DNAH11: variants seen among roughly 807,000 people sequenced by gnomAD.
DNAH11 encodes axonemal beta dynein heavy chain 11.
Under a neutral mutation model 526.0 loss-of-function variants are expected in DNAH11, and 442 were observed. The ratio of observed to expected loss-of-function variants is 0.84; its 90% CI spans 0.78 to 0.91. DNAH11 has a LOEUF of 0.91. Among genes scored for constraint, DNAH11 ranks in the 40% least tolerant of loss-of-function variants. The probability of loss-of-function intolerance (pLI) is 0.00; values close to 1 mark genes in which losing one functional copy is unlikely to be tolerated. For synonymous variants in DNAH11, 2,461 were observed against 1,935.9 expected (o/e 1.27, Z -7.12); for missense variants, 6,989 against 5,448.7 (o/e 1.28, Z -8.90).
intron 69 of DNAH11, among the ~76,000 whole-genome samples, chr7:21,862,811 C>T (rs1171779595): frequency 6.6e-6 from 1 of 152,056 alleles, no homozygotes. Context: ...GGCACGGTGG[C>T]TCACGCCTGT....
intron 2 of DNAH11, 122 bp downstream of exon 2, chr7:21,545,271 G>A (rs1475177779): frequency 7.1e-6 from 1 of 141,048 alleles, no homozygotes; most frequent in Non-Finnish European, 1.0e-5. Context: ...GGATGGGGGT[G>A]GTTAAAAAAA....
chr7:21,648,180 A>T (rs770369815), intron 28 of DNAH11, among the ~76,000 whole-genome samples: 1 of 152,228 alleles, frequency 6.6e-6, no homozygotes, highest in Non-Finnish European at 1.5e-5. Flanking sequence ...AGAAAGCAGT[A>T]GGTATTGTCT....
chr7:21,668,855 G>A (rs1227243874), intron 30 of DNAH11, among the ~76,000 whole-genome samples: 2 of 152,096 alleles, frequency 1.3e-5, no homozygotes, highest in Admixed American at 1.3e-4. Flanking sequence ...AAGCCTAAAA[G>A]TGAAATTGCT....
intron 42 of DNAH11, among the ~76,000 whole-genome samples, chr7:21,715,858 C>G (rs1360207170): frequency 8.6e-6 from 1 of 116,646 alleles, no homozygotes; most frequent in Non-Finnish European, 1.7e-5. Flanking sequence ...ATCTGATTTC[C>G]CCCTCCCACC....
rs1200045011 is a variant in DNAH11 at position 21,645,110 on chromosome 7, A to G, written c.4944+6045A>G. ...TATTATAATGTGAGATTAAAGTAAAATATCACTTCAATGTTATGAGTTCCA... is the reference window on the plus strand; with the variant it reads ...TATTATAATGTGAGATTAAAGTAAAGTATCACTTCAATGTTATGAGTTCCA... On this transcript the variant is annotated intron_variant, in intron 28 of 81. Coordinates refer to ENST00000409508, the MANE Select transcript of DNAH11 (RefSeq NM_001277115.2). 3.3e-5 allele frequency among the ~76,000 whole-genome samples: 5 copies of G among 152,340 alleles called. No individual in the cohort carries two copies. In the East Asian group the frequency reaches 9.6e-4, roughly 29 times the overall value.
intron 65 of DNAH11, among the ~76,000 whole-genome samples, chr7:21,837,160 T>G (rs1276007175): frequency 6.6e-6 from 1 of 152,142 alleles, no homozygotes; most frequent in East Asian, 1.9e-4. Context: ...TAAATCGGTA[T>G]AGCCATTATG....
At chr7:21,694,458 T>C (rs1320782962) in intron 35 of DNAH11, among the ~76,000 whole-genome samples, 3 of 152,162 alleles carry the variant, frequency 2.0e-5, no homozygotes, top group East Asian at 1.9e-4. Flanking sequence ...TGTTTAGTTA[T>C]CTGTTCTTGT....
At position 21,618,951 on chromosome 7, in the gene DNAH11, C is replaced by G. The variant is rs560992309; in HGVS notation, c.4255-149C>G. On this transcript the variant is annotated intron_variant, in intron 23 of 81. Coordinates refer to ENST00000409508, the MANE Select transcript of DNAH11 (RefSeq NM_001277115.2). ...GGAATTGTGAGTTAAAAAGGAGTGTCTTAGATTCTCCACGTATTTCAAGAC... is the reference window on the plus strand; with the variant it reads ...GGAATTGTGAGTTAAAAAGGAGTGTGTTAGATTCTCCACGTATTTCAAGAC... The G allele has an allele frequency of 1.0e-5, 11 of 1,047,762 alleles. No homozygotes were observed. The South Asian group carries it at 1.3e-4, about 12-fold the overall frequency. 64.9% of individuals were successfully genotyped at this position (1,047,762 alleles called of 1,614,324 possible).
At chr7:21,618,429 T>C (rs1461669653) in intron 23 of DNAH11, 1 of 152,596 alleles carries the variant, frequency 6.6e-6, no homozygotes, top group African/African-American at 2.4e-5. Context: ...GCAACCCATA[T>C]GGCTGGCTCA....
At position 21,818,317 on chromosome 7, in the gene DNAH11, A is replaced by G. The variant is rs375507992; in HGVS notation, c.10669A>G (p.Arg3557Gly). The G allele has an allele frequency of 1.3e-5, 21 of 1,606,654 alleles. No homozygotes were observed. In the African/African-American group the frequency reaches 1.5e-4, roughly 11 times the overall value. ...TCCAGTCCTGGATCCACTACTTGGCAGGAACACAATTAAAAAAGGAAAGTA... is the reference window on the plus strand; with the variant it reads ...TCCAGTCCTGGATCCACTACTTGGCGGGAACACAATTAAAAAAGGAAAGTA... Reference protein sequence around the residue: ...IDPVLDPLLGRNTIKKGKYIR... With the variant: ...IDPVLDPLLGGNTIKKGKYIR... Residue 3557 changes from arginine to glycine, a missense_variant, in exon 65 of 82, where the codon AGG (arginine) becomes GGG (glycine). Coordinates refer to ENST00000409508, the MANE Select transcript of DNAH11 (RefSeq NM_001277115.2).
At chr7:21,735,932 C>T (rs1785590990) in intron 46 of DNAH11, 88 bp downstream of exon 46, 3 of 1,235,562 alleles carry the variant, frequency 2.4e-6, no homozygotes, top group Non-Finnish European at 3.3e-6. Flanking sequence ...TAATGCCTTT[C>T]CCTAGAATTT....
In DNAH11 at chr7:21,715,842, T is replaced by C. The variant is rs77264724; in HGVS notation, c.6984-1933T>C. Among the ~76,000 whole-genome samples, 43 of 144,518 alleles carry C rather than the reference T, an allele frequency of 3.0e-4. No homozygotes were observed. The East Asian group carries it at 9.0e-3, about 30-fold the overall frequency. The allele number at this position is 144,518 out of a possible 152,430, so 94.8% of individuals were successfully genotyped here. A position where few individuals can be genotyped will look rare whatever the true frequency, so the allele number is the denominator to read the frequency against. On this transcript the variant is annotated intron_variant, in intron 42 of 81. Coordinates refer to ENST00000409508, the MANE Select transcript of DNAH11 (RefSeq NM_001277115.2). ...TGGTGTGATTGATCCCTAGTAGAGGTAATTTATCTGATTTCCCCCTCCCAC... is the reference window on the plus strand; with the variant it reads ...TGGTGTGATTGATCCCTAGTAGAGGCAATTTATCTGATTTCCCCCTCCCAC...
rs377421832 is a variant in DNAH11 at position 21,707,852 on chromosome 7, A to C, written c.6683+17A>C. On this transcript the variant is annotated intron_variant, in intron 40 of 81. Coordinates refer to ENST00000409508, the MANE Select transcript of DNAH11 (RefSeq NM_001277115.2). ...AGATGGCAAGTAGTATTTCCCCTTT[A>C]GAAGTGCTCAATTTTTTTTTTCTAT... The C allele has an allele frequency of 5.9e-5, 92 of 1,555,166 alleles. No homozygotes were observed. The highest frequency in any genetic ancestry group is 7.3e-5 in the Non-Finnish European group (84 of 1,152,498).
At chr7:21,737,554 G>C (rs940236226) in intron 46 of DNAH11, among the ~76,000 whole-genome samples, 9 of 152,172 alleles carry the variant, frequency 5.9e-5, no homozygotes, top group African/African-American at 2.2e-4. Context: ...GAGTTGGGGA[G>C]ATCAGTCCCC....
rs546923655 is a variant in DNAH11, at chr7:21,689,722, T to C, written c.5925-1043T>C. On this transcript the variant is annotated intron_variant, in intron 34 of 81. Transcript: ENST00000409508. The stretch of plus-strand genomic sequence containing the variant: ...AATCCACCTGCTCCTAATTACCTAG[T>C]GTCTAAAGCACCCTTAGTCCTAAAC... 1.4e-4 allele frequency among the ~76,000 whole-genome samples: 21 copies of C among 152,366 alleles called. No homozygotes were observed. In the South Asian group the frequency reaches 4.1e-3, roughly 30 times the overall value.
rs5882820 is a variant in DNAH11 at position 21,664,134 on chromosome 7, G to GTTTT, written c.5328+5115_5328+5118dup. Among the ~76,000 whole-genome samples the GTTTT allele has an allele frequency of 3.3e-3, 436 of 131,254 alleles. 6 individuals carry two copies. Among genetic ancestry groups the GTTTT allele is most frequent in the Middle Eastern group, 0.012 (3 of 260 alleles). The allele number at this position is 131,254 out of a possible 152,430, so 86.1% of individuals were successfully genotyped here. On this transcript the variant is annotated intron_variant, in intron 30 of 81. Coordinates refer to ENST00000409508, the MANE Select transcript of DNAH11 (RefSeq NM_001277115.2). ...AGTTATTATATCTCAATTTCCCAAA[G>GTTTT]TTTTTTTTTTTTTTTGGCTTTTTTA...
chr7:21,725,397 G>A (rs1376241059), intron 44 of DNAH11, among the ~76,000 whole-genome samples: 1 of 152,076 alleles, frequency 6.6e-6, no homozygotes, highest in East Asian at 1.9e-4. Context: ...TTTTATAAGG[G>A]AAAAATATTT....
chr7:21,691,096 G>C (rs144641282), intron 35 of DNAH11, among the ~76,000 whole-genome samples: 4 of 151,674 alleles, frequency 2.6e-5, no homozygotes, highest in Admixed American at 6.6e-5. Context: ...TAAAAGTTAC[G>C]TGGTATATTT....
At chr7:21,750,482 G>A (rs1786366724) in intron 54 of DNAH11, 118 bp downstream of exon 54, 2 of 1,376,842 alleles carry the variant, frequency 1.5e-6, no homozygotes, top group Non-Finnish European at 9.9e-7. Context: ...GAAAGGACGT[G>A]TGCATTTTTA....
Sources: allele counts gnomAD v4.1 joint callset (sites outside exome capture counted in the v4.1 genomes callset), GRCh38; gene constraint gnomAD v4.1.1; transcripts MANE v1.5; gene names NCBI Gene and HGNC (gene_info 2026-07-23, HGNC 2026-07-21).